Variants in TACC2 observed in about 807,000 individuals in gnomAD.
The protein encoded by TACC2 is transforming acidic coiled-coil-containing protein 2.
TACC2 carries 137 observed loss-of-function variants against 227.3 expected under a neutral mutation model. The ratio of observed to expected loss-of-function variants is 0.60; its 90% confidence interval spans 0.52 to 0.69. The LOEUF (loss-of-function observed/expected upper bound fraction) is 0.69. TACC2 is among the 30% of genes least tolerant of loss of function. The pLI, the probability that TACC2 is intolerant of heterozygous loss-of-function variation, is 0.00. For missense variants in TACC2, 3,470 were observed against 3,694.4 expected, an observed-to-expected ratio of 0.94 and a Z score of 1.57; for synonymous variants, 1,523 against 1,487.5, an observed-to-expected ratio of 1.02 and a Z score of -0.55.
At chr10:122,238,302 G>A (rs530102809) in intron 18 of TACC2, among the ~76,000 whole-genome samples, 144 of 152,236 alleles carry the variant, frequency 9.5e-4, no homozygotes, top group Non-Finnish European at 1.5e-3. Context: ...TCCACAACTC[G>A]CAGGTGACTA....
intron 1 of TACC2, among the ~76,000 whole-genome samples, chr10:122,011,704 G>C (rs1394777624): frequency 6.6e-6 from 1 of 152,202 alleles, no homozygotes; most frequent in African/African-American, 2.4e-5. Flanking sequence ...GCAATTAGGT[G>C]ATAATTTGTT....
Position 122,085,125 on chromosome 10 carries a change from C to T in TACC2, c.2625C>T (p.Ile875=), listed in dbSNP as rs144481289. The change falls in exon 4 of 23, where the codon ATC becomes ATT. Residue 875 remains isoleucine (I), a synonymous_variant. Transcript: ENST00000369005. ...ACCAGGGAGCAGATTCTTCCCAAAT[C>T]CATGTACCTGTGGAACCTCAGGAAG... is the stretch of plus-strand genomic sequence containing the variant. ...FKDQGADSSQ[I]HVPVEPQEDN... 2 of 1,614,182 alleles carry T rather than the reference C, an allele frequency of 1.2e-6. No homozygotes were observed.
At chr10:122,161,360 T>G (rs937418926) in intron 7 of TACC2, among the ~76,000 whole-genome samples, 1 of 152,268 alleles carries the variant, frequency 6.6e-6, no homozygotes, top group Non-Finnish European at 1.5e-5. Context: ...CACTTCACTT[T>G]AATGCTGCCT....
chr10:122,104,975 C>T lies in TACC2; in HGVS notation c.5573+16384C>T, dbSNP rs545134154. 1.3e-4 allele frequency among the ~76,000 whole-genome samples: 20 copies of T among 152,314 alleles called. No individual in the cohort carries two copies. The South Asian group carries it at 3.7e-3, about 28-fold the overall frequency. On this transcript the variant is annotated intron_variant, in intron 5 of 22. Coordinates refer to ENST00000369005, the MANE Select transcript of TACC2 (RefSeq NM_206862.4). ...AACCATGTTGCATCTCACTTTTTAA[C>T]CCTAGTGCTTTGCACAGGGCCAGGA...
At chr10:121,989,766 T>A (rs977938719) in intron 1 of TACC2, among the ~76,000 whole-genome samples, 13 of 151,762 alleles carry the variant, frequency 8.6e-5, no homozygotes, top group African/African-American at 1.7e-4. Flanking sequence ...TTTTTTTTTT[T>A]ATGTTTTTAG....
At chr10:122,224,346 C>T (rs927117497) in intron 11 of TACC2, among the ~76,000 whole-genome samples, 4 of 152,156 alleles carry the variant, frequency 2.6e-5, no homozygotes, top group East Asian at 3.9e-4. Context: ...TATCATCCCA[C>T]GTGTCTCACC....
intron 7 of TACC2, among the ~76,000 whole-genome samples, chr10:122,188,004 C>T (rs1313069926): frequency 1.3e-5 from 2 of 152,070 alleles, no homozygotes; most frequent in Non-Finnish European, 2.9e-5. Context: ...GGACTGCTTG[C>T]CCTCCCTTCC....
rs1039220955 is a variant in TACC2, at chr10:122,194,642, A to G, written c.5835-398A>G. ...AGAGGCGCTGAGAAGGCAGGACAGT[A>G]GAGAGGATGATGGGGTGGGATCATG... On this transcript the variant is annotated intron_variant, in intron 7 of 22. Transcript: ENST00000369005. The surrounding 1 kb of genome is among the most constrained non-coding windows in gnomAD (Gnocchi z 4.4). Among the ~76,000 whole-genome samples the G allele has an allele frequency of 2.7e-4, 41 of 152,226 alleles. No homozygotes were observed. The highest frequency in any genetic ancestry group is 8.2e-4 in the African/African-American group (34 of 41,470).
chr10:122,224,656 C>T, intron 11 of TACC2, 70 bp from the exon 12 acceptor site: 1 of 1,427,682 alleles, frequency 7.0e-7, no homozygotes, highest in Non-Finnish European at 9.9e-7. Flanking sequence ...TCAGATCTTC[C>T]CATTTTTTTC....
intron 19 of TACC2, among the ~76,000 whole-genome samples, chr10:122,242,549 C>T (rs144864844): frequency 2.6e-5 from 4 of 152,274 alleles, no homozygotes; most frequent in East Asian, 1.9e-4. Context: ...CTTCTTAACA[C>T]GGCGTCCCTG....
chr10:122,139,276 G>A (rs1460881609), intron 6 of TACC2, among the ~76,000 whole-genome samples: 3 of 152,230 alleles, frequency 2.0e-5, no homozygotes, highest in Non-Finnish European at 2.9e-5. Context: ...GGTTAACTGC[G>A]CAGGAGCCCA....
chr10:122,197,592 C>T lies in TACC2; in HGVS notation c.5971+2416C>T, dbSNP rs550769500. The stretch of plus-strand genomic sequence containing the variant: ...TTATTGAGGATTAAAAGATAACCCC[C>T]ACCAGGGAAGGGGATGGAAACGTTA... On this transcript the variant is annotated intron_variant, in intron 8 of 22. Transcript: ENST00000369005. Among the ~76,000 whole-genome samples the T allele has an allele frequency of 2.0e-5, 3 of 152,358 alleles. No individual in the cohort carries two copies. In the East Asian group the frequency reaches 5.8e-4, roughly 29 times the overall value.
chr10:121,993,156 CAACA>C (rs1402833820), intron 1 of TACC2, among the ~76,000 whole-genome samples: 8 of 151,920 alleles, frequency 5.3e-5, no homozygotes, highest in East Asian at 1.9e-4. Flanking sequence ...CCTGCCTCAA[CAACA>C]AACAAACAAA....
At position 122,084,990 on chromosome 10, in the gene TACC2, C is replaced by G. The variant is rs1335291450; in HGVS notation, c.2490C>G (p.Leu830=). The G allele has an allele frequency of 1.9e-6, 3 of 1,614,188 alleles. No homozygotes were observed. The highest frequency in any genetic ancestry group is 1.7e-5 in the Admixed American group (1 of 60,032). ...EWPLLSSEKH[L]QPSQAQPETS... is the part of the protein sequence containing the mutation. ...CCCTACTATCTTCTGAGAAGCATCT[C>G]CAGCCATCCCAGGCACAACCAGAGA... is the stretch of plus-strand genomic sequence containing the variant. Residue 830 remains leucine (L), a synonymous_variant, in exon 4 of 23, where the codon CTC becomes CTG. Transcript: ENST00000369005.
At chr10:121,994,442 C>T (rs1045986121) in intron 1 of TACC2, among the ~76,000 whole-genome samples, 9 of 152,216 alleles carry the variant, frequency 5.9e-5, no homozygotes, top group Admixed American at 5.9e-4. Flanking sequence ...CTGGCGGCAC[C>T]TGCAGGCTCC....
chr10:122,115,246 C>T lies in TACC2; in HGVS notation c.5574-17363C>T, dbSNP rs143363929. Reference sequence around the variant, plus strand: ...GTGGTTGAATTGAATGACACAGCCCCCACCTTCAAGGAGGTAGGTAGGTGA... The same window carrying T: ...GTGGTTGAATTGAATGACACAGCCCTCACCTTCAAGGAGGTAGGTAGGTGA... On this transcript the variant is annotated intron_variant, in intron 5 of 22. Transcript: ENST00000369005. Among the ~76,000 whole-genome samples, 675 of 152,040 alleles carry T rather than the reference C, an allele frequency of 4.4e-3. 7 individuals carry two copies. The highest frequency in any genetic ancestry group is 0.015 in the African/African-American group (639 of 41,386).
intron 1 of TACC2, among the ~76,000 whole-genome samples, chr10:122,017,476 T>C (rs1203311541): frequency 2.6e-5 from 4 of 150,970 alleles, no homozygotes; most frequent in South Asian, 2.1e-4. Context: ...CCATTCCCAA[T>C]TGGCTCATTC....
At chr10:122,017,148 T>G (rs1956756126) in intron 1 of TACC2, among the ~76,000 whole-genome samples, 1 of 152,140 alleles carries the variant, frequency 6.6e-6, no homozygotes, top group African/African-American at 2.4e-5. Context: ...CAGCCTCTCC[T>G]CTCTGCTCAG....
intron 7 of TACC2, among the ~76,000 whole-genome samples, chr10:122,153,015 G>A (rs1412895262): frequency 1.7e-4 from 3 of 17,514 alleles, no homozygotes; most frequent in Non-Finnish European, 5.7e-4. Flanking sequence ...TTTTTGAGAC[G>A]GAGTCTCACT....
Sources: gnomAD v4.1 joint callset for allele counts (sites outside exome capture counted in the v4.1 genomes callset) on GRCh38, gnomAD v4.1.1 for gene constraint, Gnocchi (gnomAD v3.1) non-coding constraint, MANE v1.5 for transcripts, NCBI Gene and HGNC (gene_info 2026-07-23, HGNC 2026-07-21) for gene names.